SOX6: variants seen among roughly 807,000 people sequenced by gnomAD.
SOX6 encodes the protein transcription factor SOX-6.
A neutral mutation model predicts 97.8 loss-of-function variants in SOX6; 11 were observed. The ratio of observed to expected loss-of-function variants is 0.11; its 90% CI spans 0.07 to 0.19. The LOEUF is 0.19. Among genes scored for constraint, SOX6 ranks in the 10% least tolerant of loss-of-function variants. The pLI, the probability that SOX6 is intolerant of heterozygous loss-of-function variation, is 1.00. For synonymous variants in SOX6, 360 were observed against 371.4 expected (o/e 0.97, Z 0.35); for missense variants, 810 against 1,039.5 (o/e 0.78, Z 3.04).
intron 4 of SOX6, among the ~76,000 whole-genome samples, chr11:16,611,108 T>C (rs898501137): frequency 9.2e-5 from 14 of 152,238 alleles, no homozygotes; most frequent in African/African-American, 3.4e-4. Context: ...CAAAGGCAAT[T>C]CGGCTTTGCT....
intron 13 of SOX6, 137 bp from the exon 14 acceptor site, chr11:15,989,367 G>C: frequency 6.1e-6 from 4 of 652,008 alleles, no homozygotes. Context: ...GGAAGTAGAA[G>C]GCAGGTTCAA....
At chr11:16,299,391 G>A in intron 3 of SOX6, among the ~76,000 whole-genome samples, 1 of 152,134 alleles carries the variant, frequency 6.6e-6, no homozygotes, top group Admixed American at 6.5e-5. Context: ...TTAGCTTGAT[G>A]AGGCTAATTT....
intron 4 of SOX6, among the ~76,000 whole-genome samples, chr11:16,558,548 C>G (rs995541068): frequency 3.3e-5 from 5 of 152,016 alleles, no homozygotes; most frequent in African/African-American, 1.2e-4. Context: ...CCTTTGAGAA[C>G]TTTTACCCAA....
At chr11:16,707,573 G>C (rs966277217) in intron 3 of SOX6, among the ~76,000 whole-genome samples, 1 of 152,150 alleles carries the variant, frequency 6.6e-6, no homozygotes, top group African/African-American at 2.4e-5. Context: ...TCAGGCACAA[G>C]CTCTCCTTTA....
chr11:16,259,222 T>A, intron 3 of SOX6, among the ~76,000 whole-genome samples: 1 of 151,832 alleles, frequency 6.6e-6, no homozygotes, highest in East Asian at 1.9e-4. Context: ...ATCTACAAAA[T>A]ATACAGGGTG....
Position 16,386,774 on chromosome 11 carries a change from CT to C in SOX6, c.-4-45523del, listed in dbSNP as rs143843068. ...TGATCCCAAACCGAATTAGGTCTCC[CT>C]TTTCCTTCATAGTATTTATTATCCT... On this transcript the variant is annotated intron_variant, in intron 1 of 15. Transcript: ENST00000396356. Among the ~76,000 whole-genome samples, 1,360 of 152,210 alleles carry C rather than the reference CT, an allele frequency of 8.9e-3. 21 individuals are homozygous for C. Among genetic ancestry groups the C allele is most frequent in the East Asian group, 0.038 (195 of 5,182 alleles).
chr11:16,503,506 G>T (rs953732956), intron 4 of SOX6, among the ~76,000 whole-genome samples: 3 of 152,136 alleles, frequency 2.0e-5, no homozygotes, highest in African/African-American at 7.2e-5. Context: ...CTGGTTGAAT[G>T]AATACAAAAT....
intron 3 of SOX6, among the ~76,000 whole-genome samples, chr11:16,669,166 G>GA (rs902099841): frequency 6.6e-6 from 1 of 151,454 alleles, no homozygotes; most frequent in Admixed American, 6.6e-5. Context: ...TTTAAAAATT[G>GA]AAAAAAAATT....
intron 1 of SOX6, among the ~76,000 whole-genome samples, chr11:16,471,078 C>T (rs999165434): frequency 6.6e-6 from 1 of 150,418 alleles, no homozygotes; most frequent in African/African-American, 2.4e-5. Flanking sequence ...AAACTATGTC[C>T]GATTTTTTTT....
intron 2 of SOX6, among the ~76,000 whole-genome samples, chr11:16,719,359 T>A (rs1848242040): frequency 1.3e-5 from 2 of 152,178 alleles, no homozygotes; most frequent in South Asian, 4.1e-4. Flanking sequence ...AGTTGTAAAA[T>A]AGCCTAGTCA....
At chr11:16,309,411 C>A (rs370283796) in intron 3 of SOX6, among the ~76,000 whole-genome samples, 93 of 152,220 alleles carry the variant, frequency 6.1e-4, no homozygotes, top group Admixed American at 1.7e-3. Context: ...AAGCAAGTCA[C>A]AAGAGGTTAC....
intron 1 of SOX6, among the ~76,000 whole-genome samples, chr11:16,407,334 G>A (rs891383340): frequency 3.3e-5 from 5 of 152,066 alleles, no homozygotes; most frequent in East Asian, 3.9e-4. Flanking sequence ...CTTTGTCTGC[G>A]AAAAACATAC....
intron 3 of SOX6, among the ~76,000 whole-genome samples, chr11:16,247,254 C>T (rs759173492): frequency 1.8e-4 from 27 of 152,016 alleles, no homozygotes; most frequent in Admixed American, 5.2e-4. Context: ...TCCTTTTTAT[C>T]GCTGAATAAT....
intron 1 of SOX6, among the ~76,000 whole-genome samples, chr11:16,445,322 C>T (rs938664191): frequency 1.3e-5 from 2 of 152,054 alleles, no homozygotes; most frequent in Non-Finnish European, 2.9e-5. Context: ...TACTGTTCTC[C>T]TTCATCTCCG....
intron 6 of SOX6, among the ~76,000 whole-genome samples, chr11:16,114,934 T>A (rs529182802): frequency 7.2e-5 from 11 of 152,308 alleles, no homozygotes; most frequent in Admixed American, 7.2e-4. Flanking sequence ...TTTTGTAACT[T>A]TCCATCTTCA....
intron 3 of SOX6, among the ~76,000 whole-genome samples, chr11:16,258,888 A>C (rs1853784128): frequency 6.6e-6 from 1 of 151,706 alleles, no homozygotes; most frequent in South Asian, 2.1e-4. Context: ...ACATATATAC[A>C]CACACATATA....
At chr11:16,473,047 T>C (rs1174617362) in intron 1 of SOX6, among the ~76,000 whole-genome samples, 1 of 152,234 alleles carries the variant, frequency 6.6e-6, no homozygotes, top group Admixed American at 6.5e-5. Context: ...TTCTATATAA[T>C]ATATATTGAT....
chr11:16,422,843 A>G (rs1859045614), intron 1 of SOX6, among the ~76,000 whole-genome samples: 2 of 152,230 alleles, frequency 1.3e-5, no homozygotes. Context: ...ATGTATTCAT[A>G]GTATGTACCA....
At chr11:16,416,493 C>A (rs775705948) in intron 1 of SOX6, among the ~76,000 whole-genome samples, 19 of 152,118 alleles carry the variant, frequency 1.2e-4, no homozygotes, top group Admixed American at 4.6e-4. Flanking sequence ...TTCTTGGAAA[C>A]AAATAATGGC....
Sources: allele counts gnomAD v4.1 joint callset (sites outside exome capture counted in the v4.1 genomes callset), GRCh38; gene constraint gnomAD v4.1.1; transcripts MANE v1.5; gene names NCBI Gene and HGNC (gene_info 2026-07-23, HGNC 2026-07-21).